Variants in NLRC4 observed in about 807,000 individuals in gnomAD.
The protein encoded by NLRC4 is NLR family CARD domain-containing protein 4.
Under a neutral mutation model 79.9 loss-of-function variants are expected in NLRC4, and 63 were observed. That is an observed-to-expected ratio of 0.79 (90% CI 0.64 to 0.97). The LOEUF is 0.97. NLRC4 is among the 50% of genes least tolerant of loss of function. The pLI, the probability that NLRC4 is intolerant of heterozygous loss-of-function variation, is 0.00. For synonymous variants in NLRC4, 461 were observed against 456.5 expected (o/e 1.01, Z -0.12); for missense variants, 1,074 against 1,215.2 (o/e 0.88, Z 1.73).
At chr2:32,232,788 G>C (rs1055077435) in intron 8 of NLRC4, among the ~76,000 whole-genome samples, 3 of 152,224 alleles carry the variant, frequency 2.0e-5, no homozygotes, top group African/African-American at 7.2e-5. Flanking sequence ...TGAAGTAAAA[G>C]AACTGGTGAT....
chr2:32,231,878 C>CT (rs1332877006), intron 8 of NLRC4, among the ~76,000 whole-genome samples: 2 of 152,094 alleles, frequency 1.3e-5, no homozygotes, highest in African/African-American at 2.4e-5. Flanking sequence ...GACCAAATGT[C>CT]TTTTTTTCTG....
At position 32,252,354 on chromosome 2, in the gene NLRC4, A is replaced by C. The variant is rs559286075; in HGVS notation, c.262+65T>G. 4.2e-6 allele frequency: 5 copies of C among 1,188,878 alleles called. No individual in the cohort carries two copies. In the East Asian group the frequency reaches 9.4e-5, roughly 22 times the overall value. The allele number at this position is 1,188,878 out of a possible 1,614,324, so 73.6% of individuals were successfully genotyped here. On this transcript the variant is annotated intron_variant, in intron 3 of 8. Transcript: ENST00000402280. ...GAAAAGCAGAGGCTCTGCCATGGGG[A>C]AGATGGATCTTTGTTGTGGTCTATT...
chr2:32,242,020 C>G (rs185224008), intron 4 of NLRC4, among the ~76,000 whole-genome samples: 2 of 152,038 alleles, frequency 1.3e-5, no homozygotes, highest in East Asian at 1.9e-4. Flanking sequence ...GGGTGCAAAT[C>G]AAAGTTATTA....
rs1171309070 is a variant in NLRC4 at position 32,238,222 on chromosome 2, T to C, written c.2431A>G (p.Ile811Val). 3.1e-6 allele frequency: 5 copies of C among 1,613,772 alleles called. No homozygotes were observed. The South Asian group carries it at 4.4e-5, about 14-fold the overall frequency. ...GGTTCACTTGACAGAGACTTGACTA[T>C]GTAATCCATTCCCTCTCCAATGTCA... ...LSDIGEGMDY[I>V]VKSLSSEPCD... The change falls in exon 6 of 9, where the codon ATA becomes GTA. Residue 811 changes from isoleucine (I) to valine (V), a missense_variant. Physicochemically the swap from Ile to Val is conservative, Grantham distance 29. Transcript: ENST00000402280.
rs1379965468 is a variant in NLRC4, at chr2:32,234,653, C to T, written c.2782+748G>A. Among the ~76,000 whole-genome samples the T allele has an allele frequency of 2.6e-5, 4 of 152,306 alleles. No homozygotes were observed. In the East Asian group the frequency reaches 7.7e-4, roughly 29 times the overall value. On this transcript the variant is annotated intron_variant, in intron 8 of 8. Transcript: ENST00000402280. ...AGTGGGCTGCCATGTTGTGAGGACA[C>T]TCACAGCCTGTGAAGAGGTCTAATG...
intron 8 of NLRC4, 25 bp downstream of exon 8, chr2:32,235,376 C>T (rs775034277): frequency 6.3e-7 from 1 of 1,584,712 alleles, no homozygotes; most frequent in Admixed American, 1.7e-5. Flanking sequence ...ATCCAGTTAT[C>T]TTGGCTCTGT....
intron 1 of NLRC4, among the ~76,000 whole-genome samples, chr2:32,261,316 C>CCTTTTTTT: frequency 2.1e-5 from 2 of 96,884 alleles, no homozygotes; most frequent in African/African-American, 8.3e-5. Context: ...AGCCTCCCCC[C>CCTTTTTTT]TTTTGTTTTT....
intron 4 of NLRC4, among the ~76,000 whole-genome samples, chr2:32,248,019 C>G (rs212735): frequency 0.62 from 93,902 of 151,904 alleles, 29,240 homozygotes; most frequent in African/African-American, 0.66. Context: ...AAGGTGGGAG[C>G]GTGACAGGGA....
chr2:32,251,574 T>A lies in NLRC4; in HGVS notation c.290A>T (p.Asp97Val). 2 of 1,605,964 alleles carry A rather than the reference T, an allele frequency of 1.2e-6. No homozygotes were observed. Among genetic ancestry groups the A allele is most frequent in the Non-Finnish European group, 1.7e-6 (2 of 1,176,190 alleles). ...TAAATCCTGAGCCAAATCGTCCAAGTCTCCTTCTGATGTCTGATGAAAAAG... is the reference window on the plus strand; with the variant it reads ...TAAATCCTGAGCCAAATCGTCCAAGACTCCTTCTGATGTCTGATGAAAAAG... Reference protein sequence around the residue: ...QSLFHQTSEGDLDDLAQDLKD... With the variant: ...QSLFHQTSEGVLDDLAQDLKD... The change falls in exon 4 of 9, where the codon GAC (aspartate) becomes GTC (valine). Residue 97 changes from aspartate to valine, a missense_variant. Transcript: ENST00000402280.
At chr2:32,231,665 G>A (rs957576079) in intron 8 of NLRC4, among the ~76,000 whole-genome samples, 1 of 150,906 alleles carries the variant, frequency 6.6e-6, no homozygotes, top group African/African-American at 2.4e-5. Flanking sequence ...AACTTCCTGA[G>A]CTCAAGCCAT....
chr2:32,232,829 G>C (rs1216420325), intron 8 of NLRC4, among the ~76,000 whole-genome samples: 2 of 152,156 alleles, frequency 1.3e-5, no homozygotes, highest in Non-Finnish European at 2.9e-5. Flanking sequence ...GGAGGTTGTG[G>C]TTTGAGAATG....
intron 2 of NLRC4, among the ~76,000 whole-genome samples, chr2:32,255,176 A>C (rs897514378): frequency 1.3e-5 from 2 of 151,358 alleles, no homozygotes; most frequent in Admixed American, 6.6e-5. Context: ...ATCCCTATGG[A>C]AGTAACCTCT....
chr2:32,248,710 G>A (rs1462087131), intron 4 of NLRC4, among the ~76,000 whole-genome samples: 3 of 151,714 alleles, frequency 2.0e-5, no homozygotes, highest in Non-Finnish European at 4.4e-5. Context: ...AGGCTGCAAT[G>A]AGCTGTGATC....
At chr2:32,226,820 C>T (rs1158547470) in intron 8 of NLRC4, among the ~76,000 whole-genome samples, 14 of 151,662 alleles carry the variant, frequency 9.2e-5, no homozygotes, top group East Asian at 1.9e-4. Context: ...GCAGAGGTTG[C>T]GGTGAGCAGA....
intron 8 of NLRC4, among the ~76,000 whole-genome samples, chr2:32,233,345 A>ATT (rs1241686037): frequency 6.3e-4 from 40 of 63,750 alleles, no homozygotes; most frequent in African/African-American, 7.5e-4. Context: ...ATATATATAT[A>ATT]TATATTTTTT....
Position 32,250,588 on chromosome 2 carries a change from G to T in NLRC4, c.1276C>A (p.Leu426Ile), listed in dbSNP as rs1558457501. Residue 426 changes from leucine (L) to isoleucine (I), a missense_variant, in exon 4 of 9, where the codon CTC becomes ATC. By Grantham distance (5) the Leu-to-Ile change is conservative. Coordinates refer to ENST00000402280, the MANE Select transcript of NLRC4 (RefSeq NM_001199138.2). This position sits in a 1 kb window ranked among gnomAD's most constrained non-coding sequence, Gnocchi z 4.9. ...CTTTGAGCTGTATATTTACAGAGGA[G>T]CCCAGTTGTCAGCAGGACATCCTCA... ...VNEDVLLTTG[L>I]LCKYTAQRFK... 10 of 1,614,140 alleles carry T rather than the reference G, an allele frequency of 6.2e-6. No homozygotes were observed. The highest frequency in any genetic ancestry group is 8.5e-6 in the Non-Finnish European group (10 of 1,180,024).
intron 4 of NLRC4, among the ~76,000 whole-genome samples, chr2:32,248,803 G>A (rs575347754): frequency 2.0e-5 from 3 of 152,144 alleles, no homozygotes; most frequent in Admixed American, 6.5e-5. Flanking sequence ...AAACTCTGTC[G>A]TAACTGCCAC....
rs528017051 is a variant in NLRC4, at chr2:32,234,380, T to TA, written c.2782+1020dup. ...CTGGGCGACAGAGCAAGACTCTGTCTAAAAAAAAAACAAAAAACAAAGAAC... is the reference window on the plus strand; with the variant it reads ...CTGGGCGACAGAGCAAGACTCTGTCTAAAAAAAAAAACAAAAAACAAAGAAC... On this transcript the variant is annotated intron_variant, in intron 8 of 8. Coordinates refer to ENST00000402280, the MANE Select transcript of NLRC4 (RefSeq NM_001199138.2). Among the ~76,000 whole-genome samples the TA allele has an allele frequency of 2.2e-3, 321 of 144,946 alleles. 1 individual carries two copies. Among genetic ancestry groups the TA allele is most frequent in the African/African-American group, 5.6e-3 (223 of 39,500 alleles).
intron 8 of NLRC4, among the ~76,000 whole-genome samples, chr2:32,226,129 G>A (rs1054181541): frequency 2.6e-5 from 4 of 152,132 alleles, no homozygotes; most frequent in Non-Finnish European, 4.4e-5. Context: ...CAGTAATGAG[G>A]GCTTAATGAC....
Sources: allele counts gnomAD v4.1 joint callset (sites outside exome capture counted in the v4.1 genomes callset), GRCh38; gene constraint gnomAD v4.1.1; non-coding constraint Gnocchi (gnomAD v3.1); transcripts MANE v1.5; gene names NCBI Gene and HGNC (gene_info 2026-07-23, HGNC 2026-07-21).